Variants in TMEM108 observed in about 807,000 individuals in gnomAD.
The protein encoded by TMEM108 is transmembrane protein 108.
In TMEM108, 12 loss-of-function variants were observed where a neutral mutation model predicts 35.1. The ratio of observed to expected loss-of-function variants is 0.34; its 90% CI spans 0.22 to 0.55. The LOEUF (loss-of-function observed/expected upper bound fraction) is 0.55. Ranked by LOEUF, TMEM108 falls within the 20% of genes least tolerant of loss-of-function variation. The probability of loss-of-function intolerance (pLI) is 0.89; values close to 1 mark genes in which losing one functional copy is unlikely to be tolerated. For synonymous variants in TMEM108, 287 were observed against 308.6 expected (o/e 0.93, Z 0.73); for missense variants, 680 against 753.3 (o/e 0.90, Z 1.14).
At chr3:133,361,414 G>C (rs761592840) in intron 3 of TMEM108, among the ~76,000 whole-genome samples, 3 of 152,170 alleles carry the variant, frequency 2.0e-5, no homozygotes, top group African/African-American at 4.8e-5. Flanking sequence ...AGTTTAAAAG[G>C]TTATCATGTG....
chr3:133,336,154 G>GT (rs2071496040), intron 3 of TMEM108, among the ~76,000 whole-genome samples: 1 of 152,142 alleles, frequency 6.6e-6, no homozygotes, highest in Non-Finnish European at 1.5e-5. Flanking sequence ...CAATTCCTAG[G>GT]TAAGTTCTGG....
chr3:133,254,886 G>T (rs2107671111), intron 3 of TMEM108, among the ~76,000 whole-genome samples: 1 of 152,294 alleles, frequency 6.6e-6, no homozygotes, highest in East Asian at 1.9e-4. Flanking sequence ...ACAGCTGACT[G>T]CTGCAATACT....
At position 133,337,309 on chromosome 3, in the gene TMEM108, G is replaced by A. The variant is rs114042895; in HGVS notation, c.41-42443G>A. 2.7e-3 allele frequency among the ~76,000 whole-genome samples: 417 copies of A among 152,296 alleles called. 3 individuals carry two copies. The highest frequency in any genetic ancestry group is 9.4e-3 in the African/African-American group (390 of 41,562). ...TCCCATTGATGGTAGCTACAGGGGC[G>A]CTTGTGTCATCCCACTCCCAGCTCC... is the stretch of plus-strand genomic sequence containing the variant. On this transcript the variant is annotated intron_variant, in intron 3 of 5. Coordinates refer to ENST00000321871, the MANE Select transcript of TMEM108 (RefSeq NM_023943.4).
intron 2 of TMEM108, among the ~76,000 whole-genome samples, chr3:133,100,967 T>G: frequency 6.6e-6 from 1 of 152,314 alleles, no homozygotes; most frequent in Middle Eastern, 3.4e-3. Flanking sequence ...AGAATTGAAA[T>G]TGTATTTTTA....
intron 3 of TMEM108, among the ~76,000 whole-genome samples, chr3:133,330,904 C>A (rs1240532552): frequency 6.6e-6 from 1 of 151,834 alleles, no homozygotes; most frequent in Non-Finnish European, 1.5e-5. Flanking sequence ...TAAAAGTAGA[C>A]AACATAACAT....
Position 133,380,745 on chromosome 3 carries a change from C to G in TMEM108, c.1034C>G (p.Pro345Arg). ...WLTVTPGTSRPLSTSSGVFTA... is the reference protein window; with the variant it reads ...WLTVTPGTSRRLSTSSGVFTA... ...ACTGTTACCCCTGGCACCAGCAGAC[C>G]TCTGTCTACCAGCTCTGGGGTCTTC... The change falls in exon 4 of 6, where the codon CCT becomes CGT. Residue 345 changes from proline (P) to arginine (R), a missense_variant. By Grantham distance (103) the Pro-to-Arg change is moderately radical. Around this residue, in one of 3 missense-constraint regions of TMEM108, gnomAD observed 526 missense variants for 532.1 expected, o/e 0.99. Transcript: ENST00000321871. The surrounding 1 kb of genome is among the most constrained non-coding windows in gnomAD (Gnocchi z 5.3). 6.2e-7 allele frequency: 1 copy of G among 1,614,154 alleles called. No homozygotes were observed. Among genetic ancestry groups the G allele is most frequent in the Non-Finnish European group, 8.5e-7 (1 of 1,180,030 alleles).
intron 2 of TMEM108, among the ~76,000 whole-genome samples, chr3:133,139,622 CT>C (rs1559844984): frequency 6.6e-6 from 1 of 152,194 alleles, no homozygotes; most frequent in Non-Finnish European, 1.5e-5. Flanking sequence ...GTACGCACAG[CT>C]TTAAGCATTT....
intron 2 of TMEM108, among the ~76,000 whole-genome samples, chr3:133,199,290 C>G (rs536212124): frequency 6.6e-6 from 1 of 152,358 alleles, no homozygotes; most frequent in African/African-American, 2.4e-5. Context: ...CTCAACTCAT[C>G]AAAGTCATTC....
intron 3 of TMEM108, among the ~76,000 whole-genome samples, chr3:133,307,784 A>G (rs993336474): frequency 5.9e-5 from 9 of 152,100 alleles, no homozygotes; most frequent in Non-Finnish European, 1.3e-4. Flanking sequence ...GCCTTGTAGT[A>G]TAATTTGAAG....
intron 2 of TMEM108, among the ~76,000 whole-genome samples, chr3:133,134,537 G>T (rs148178841): frequency 1.7e-3 from 264 of 151,122 alleles, no homozygotes; most frequent in Non-Finnish European, 9.6e-4. Flanking sequence ...TGAGTAATAG[G>T]GGTGCTTATT....
chr3:133,101,484 C>T (rs1442198882), intron 2 of TMEM108, among the ~76,000 whole-genome samples: 1 of 152,196 alleles, frequency 6.6e-6, no homozygotes, highest in African/African-American at 2.4e-5. Flanking sequence ...CATATCCTAG[C>T]ATGTATGTAG....
At chr3:133,254,261 A>T (rs1946513309) in intron 3 of TMEM108, among the ~76,000 whole-genome samples, 1 of 152,226 alleles carries the variant, frequency 6.6e-6, no homozygotes, top group South Asian at 2.1e-4. Flanking sequence ...GCAGCCAGTG[A>T]ACAAACCTAT....
chr3:133,131,990 G>A (rs752116601), intron 2 of TMEM108, among the ~76,000 whole-genome samples: 2 of 152,142 alleles, frequency 1.3e-5, no homozygotes, highest in Non-Finnish European at 2.9e-5. Flanking sequence ...CTAATCCAGA[G>A]TAAGGTACTA....
At chr3:133,195,319 C>A (rs1298271185) in intron 2 of TMEM108, among the ~76,000 whole-genome samples, 1 of 152,146 alleles carries the variant, frequency 6.6e-6, no homozygotes, top group African/African-American at 2.4e-5. Context: ...AAGGGAGAGA[C>A]TAAGACAAGA....
intron 2 of TMEM108, among the ~76,000 whole-genome samples, chr3:133,113,915 A>C (rs539141663): frequency 6.6e-6 from 1 of 152,216 alleles, no homozygotes; most frequent in South Asian, 2.1e-4. Context: ...TCCTGCATAC[A>C]GAATGATTGA....
chr3:133,244,666 A>G (rs1218108092), intron 3 of TMEM108, among the ~76,000 whole-genome samples: 1 of 152,234 alleles, frequency 6.6e-6, no homozygotes, highest in African/African-American at 2.4e-5. Flanking sequence ...GTTTTGCCAC[A>G]GAAGAAACTT....
At chr3:133,103,598 T>A (rs1246458860) in intron 2 of TMEM108, among the ~76,000 whole-genome samples, 2 of 152,054 alleles carry the variant, frequency 1.3e-5, no homozygotes, top group Middle Eastern at 3.2e-3. Flanking sequence ...TAAAAAAAAA[T>A]GTTAGATCAC....
chr3:133,156,649 A>T lies in TMEM108; in HGVS notation c.-46-72617A>T, dbSNP rs114493231. ...ATGAGATAACAGATGAGAAAGAACA[A>T]TGCAGGATTCTTATATAAGATTGTC... On this transcript the variant is annotated intron_variant, in intron 2 of 5. Coordinates refer to ENST00000321871, the MANE Select transcript of TMEM108 (RefSeq NM_023943.4). Among the ~76,000 whole-genome samples, 1,355 of 152,346 alleles carry T rather than the reference A, an allele frequency of 8.9e-3. 17 individuals are homozygous for T. The highest frequency in any genetic ancestry group is 0.03 in the African/African-American group (1,257 of 41,570).
intron 2 of TMEM108, among the ~76,000 whole-genome samples, chr3:133,147,414 T>G (rs1320672731): frequency 6.6e-6 from 1 of 152,190 alleles, no homozygotes; most frequent in Non-Finnish European, 1.5e-5. Flanking sequence ...TTTGACTTTT[T>G]AACAAAAGCC....
Sources: allele counts gnomAD v4.1 joint callset (sites outside exome capture counted in the v4.1 genomes callset), GRCh38; gene constraint gnomAD v4.1.1; regional missense constraint gnomAD v4.1.1; non-coding constraint Gnocchi (gnomAD v3.1); transcripts MANE v1.5; gene names NCBI Gene and HGNC (gene_info 2026-07-23, HGNC 2026-07-21).